Variants in MKNK2 observed in about 807,000 individuals in gnomAD.
The protein encoded by MKNK2 is MAPK interacting serine/threonine kinase 2.
MKNK2 carries 54 observed loss-of-function variants against 55.0 expected under a neutral mutation model. The observed-to-expected ratio is 0.98, with a 90% confidence interval of 0.79 to 1.23. MKNK2 has a LOEUF of 1.23. MKNK2 is among the 50% of genes most tolerant of loss of function. MKNK2 has a pLI of 0.00. For synonymous variants in MKNK2, 323 were observed against 256.0 expected, an observed-to-expected ratio of 1.26 and a Z score of -2.50; for missense variants, 685 against 632.1, an observed-to-expected ratio of 1.08 and a Z score of -0.90.
At position 2,037,588 on chromosome 19, in the gene MKNK2, A is replaced by C. The variant is rs1466540292; in HGVS notation, c.*2025T>G. On this transcript the variant is annotated 3_prime_UTR_variant, in exon 14 of 14. Coordinates refer to ENST00000250896, the MANE Select transcript of MKNK2 (RefSeq NM_199054.3). Reference sequence around the variant, plus strand: ...CAGTTCACCTGGTACATTGGAATTAAAGTGCTTGGATGTTTTTCCCCCACT... The same window carrying C: ...CAGTTCACCTGGTACATTGGAATTACAGTGCTTGGATGTTTTTCCCCCACT... 6 of 537,418 alleles carry C rather than the reference A, an allele frequency of 1.1e-5. No individual in the cohort carries two copies. The highest frequency in any genetic ancestry group is 1.8e-5 in the Non-Finnish European group (6 of 329,738). The allele number at this position is 537,418 out of a possible 1,614,324, so 33.3% of individuals were successfully genotyped here. A position where few individuals can be genotyped will look rare whatever the true frequency, so the allele number is the denominator to read the frequency against.
intron 6 of MKNK2, 132 bp from the exon 7 acceptor site, chr19:2,043,329 C>G: frequency 1.0e-6 from 1 of 1,002,258 alleles, no homozygotes; most frequent in Non-Finnish European, 1.6e-6. Context: ...GGGCAATAGG[C>G]CAGCTTCACA....
intron 12 of MKNK2, chr19:2,040,805 G>GA (rs1171455186): frequency 1.8e-6 from 1 of 563,154 alleles, no homozygotes; most frequent in Non-Finnish European, 3.2e-6. Context: ...CACCCTCCAG[G>GA]AAGGTTCTCT....
rs770008391 is a variant in MKNK2, at chr19:2,046,295, C to T, written c.242-12G>A. 1.7e-5 allele frequency: 27 copies of T among 1,603,132 alleles called. No individual in the cohort carries two copies. Among genetic ancestry groups the T allele is most frequent in the East Asian group, 4.5e-5 (2 of 44,890 alleles). On this transcript the variant is annotated splice_polypyrimidine_tract_variant and intron_variant, in intron 4 of 13. Transcript: ENST00000250896. The stretch of plus-strand genomic sequence containing the variant: ...CAGCTGGTAGACGTCTGCCGGGCAG[C>T]GGGGCGGGCGTGAGAGGGACCCTGG...
chr19:2,041,055 G>A lies in MKNK2; in HGVS notation c.1095C>T (p.His365=), dbSNP rs750295400. ...TGGTACTCACCCCCTGAACCCAGGG[G>A]TGCTGCAGGACTTGGGCGGCACTCA... ...QRLSAAQVLQ[H]PWVQGCAPEN... is the part of the protein sequence containing the mutation. The change falls in exon 12 of 14, where the codon CAC becomes CAT. Residue 365 remains histidine, a synonymous_variant. Coordinates refer to ENST00000250896, the MANE Select transcript of MKNK2 (RefSeq NM_199054.3). The A allele has an allele frequency of 1.9e-6, 3 of 1,613,952 alleles. No homozygotes were observed. The highest frequency in any genetic ancestry group is 2.2e-5 in the South Asian group (2 of 91,088).
rs764536768 is a variant in MKNK2 at position 2,040,173 on chromosome 19, G to A, written c.1115C>T (p.Ala372Val). 11 of 1,583,546 alleles carry A rather than the reference G, an allele frequency of 6.9e-6. No homozygotes were observed. The highest frequency in any genetic ancestry group is 9.4e-6 in the Non-Finnish European group (11 of 1,166,230). ...VLQHPWVQGC[A>V]PENTLPTPMV... ...GGGAGTGGGCAAGGTGTTCTCCGGG[G>A]CGCACTGCAACGAGAGTGGGCGGGG... The change falls in exon 13 of 14, where the codon GCC becomes GTC. Residue 372 changes from alanine to valine, a missense_variant. Physicochemically the swap from Ala to Val is moderately conservative, Grantham distance 64. Transcript: ENST00000250896.
At chr19:2,040,881 T>G in intron 12 of MKNK2, 159 bp downstream of exon 12, 1 of 735,828 alleles carries the variant, frequency 1.4e-6, no homozygotes, top group Non-Finnish European at 2.2e-6. Context: ...GCGGTGGGGA[T>G]TTCGGCTGCA....
intron 1 of MKNK2, 22 bp downstream of exon 1, chr19:2,051,074 C>T: frequency 3.2e-6 from 1 of 310,988 alleles, no homozygotes. Context: ...GTCCTCGGGG[C>T]CGCCCTGGGG....
At chr19:2,041,011 C>T (rs1568235523) in intron 12 of MKNK2, 29 bp downstream of exon 12, 6 of 1,612,424 alleles carry the variant, frequency 3.7e-6, no homozygotes, top group Admixed American at 1.7e-5. Context: ...CCCCATACCC[C>T]TCCTGCCGCC....
rs368619829 is a variant in MKNK2, at chr19:2,042,310, T to A, written c.750+117A>T. The A allele has an allele frequency of 7.5e-5, 72 of 955,408 alleles. No individual in the cohort carries two copies. In the Middle Eastern group the frequency reaches 9.8e-4, roughly 13 times the overall value. 59.2% of individuals were successfully genotyped at this position (955,408 alleles called of 1,614,324 possible). A position where few individuals can be genotyped will look rare whatever the true frequency, so the allele number is the denominator to read the frequency against. On this transcript the variant is annotated intron_variant, in intron 10 of 13. Coordinates refer to ENST00000250896, the MANE Select transcript of MKNK2 (RefSeq NM_199054.3). ...ACCCCGCCCAACCAATCAGCGGCTGTTGCTAGGCGGAAGCCCGAGCTCCGC... is the reference window on the plus strand; with the variant it reads ...ACCCCGCCCAACCAATCAGCGGCTGATGCTAGGCGGAAGCCCGAGCTCCGC...
rs2016791962 is a variant in MKNK2 at position 2,038,093 on chromosome 19, G to A, written c.*1520C>T. 2 of 1,138,542 alleles carry A rather than the reference G, an allele frequency of 1.8e-6. No individual in the cohort carries two copies. The highest frequency in any genetic ancestry group is 4.4e-5 in the East Asian group (1 of 22,892). The allele number at this position is 1,138,542 out of a possible 1,614,324, so 70.5% of individuals were successfully genotyped here. A position where few individuals can be genotyped will look rare whatever the true frequency, so the allele number is the denominator to read the frequency against. On this transcript the variant is annotated 3_prime_UTR_variant, in exon 14 of 14. Coordinates refer to ENST00000250896, the MANE Select transcript of MKNK2 (RefSeq NM_199054.3). Reference sequence around the variant, plus strand: ...ATATGGGCAGTGGGGACCAGGGAAGGCAGAGCACCCCCACGGCCACCGGAC... The same window carrying A: ...ATATGGGCAGTGGGGACCAGGGAAGACAGAGCACCCCCACGGCCACCGGAC...
chr19:2,039,922 GA>G, intron 13 of MKNK2, 66 bp from the exon 14 acceptor site: 1 of 1,531,604 alleles, frequency 6.5e-7, no homozygotes, highest in Non-Finnish European at 8.8e-7. Flanking sequence ...TGGGGTCTGT[GA>G]AGGCCCTGGG....
intron 13 of MKNK2, 134 bp downstream of exon 13, chr19:2,040,000 G>T: frequency 7.3e-7 from 1 of 1,377,792 alleles, no homozygotes; most frequent in South Asian, 1.2e-5. Flanking sequence ...GGGCCCCACC[G>T]GGAGCTTCAC....
chr19:2,040,297 C>G (rs907547678), intron 12 of MKNK2, 120 bp from the exon 13 acceptor site: 2 of 904,892 alleles, frequency 2.2e-6, no homozygotes, highest in Non-Finnish European at 3.2e-6. Flanking sequence ...CACCGGAGAC[C>G]AGGAGTGCAC....
chr19:2,049,383 G>C (rs888425502), intron 2 of MKNK2, among the ~76,000 whole-genome samples: 15 of 152,196 alleles, frequency 9.9e-5, no homozygotes, highest in Non-Finnish European at 4.4e-5. Flanking sequence ...TGTGGGGGGA[G>C]ATTCCTAGAG....
chr19:2,038,491 A>G lies in MKNK2; in HGVS notation c.*1122T>C. On this transcript the variant is annotated 3_prime_UTR_variant, in exon 14 of 14. Coordinates refer to ENST00000250896, the MANE Select transcript of MKNK2 (RefSeq NM_199054.3). ...TGGAGCATGGAGGGTGGGGGGACTG[A>G]GCAGACCCCCGCATTCCTGGGTGCC... The G allele has an allele frequency of 1.0e-6, 1 of 985,482 alleles. No individual in the cohort carries two copies. The highest frequency in any genetic ancestry group is 1.2e-6 in the Non-Finnish European group (1 of 829,940). The allele number at this position is 985,482 out of a possible 1,614,324, so 61.0% of individuals were successfully genotyped here. A position where few individuals can be genotyped will look rare whatever the true frequency, so the allele number is the denominator to read the frequency against.
chr19:2,042,317 G>A lies in MKNK2; in HGVS notation c.750+110C>T. 3 of 1,018,076 alleles carry A rather than the reference G, an allele frequency of 2.9e-6. No individual in the cohort carries two copies. In the South Asian group the frequency reaches 4.4e-5, roughly 15 times the overall value. 63.1% of individuals were successfully genotyped at this position (1,018,076 alleles called of 1,614,324 possible). A position where few individuals can be genotyped will look rare whatever the true frequency, so the allele number is the denominator to read the frequency against. ...CCAACCAATCAGCGGCTGTTGCTAG[G>A]CGGAAGCCCGAGCTCCGCGGCCTGG... On this transcript the variant is annotated intron_variant, in intron 10 of 13. Transcript: ENST00000250896.
rs2017007161 is a variant in MKNK2 at position 2,046,655 on chromosome 19, G to A, written c.88C>T (p.Gln30Ter). Residue 30 changes from glutamine to a stop codon, truncating the protein, a stop_gained, in exon 3 of 14, where the codon CAG becomes TAG. Transcript: ENST00000250896. LOFTEE classifies it high-confidence loss of function. ...NPFELAFSLD[Q>*]PDHGDSDFGL... ...AAGTCAGAGTCTCCGTGGTCGGGCT[G>A]GTCTAGGGAGAAGGCCAGCTCGAAG... 2 of 1,555,956 alleles carry A rather than the reference G, an allele frequency of 1.3e-6. No homozygotes were observed. The highest frequency in any genetic ancestry group is 1.7e-6 in the Non-Finnish European group (2 of 1,152,266).
rs768284420 is a variant in MKNK2, at chr19:2,050,804, G to C, written c.48C>G (p.Phe16Leu). 1.0e-4 allele frequency: 155 copies of C among 1,537,560 alleles called. No homozygotes were observed. In the East Asian group the frequency reaches 1.5e-3, roughly 15 times the overall value. ...CCAAACCGACCCCGGGCCTCACCTT[G>C]AACGAACGGTGGAAACCCTGAAGTT... The part of the protein sequence containing the change: ...PAELQGFHRS[F>L]KGQNPFELAF... The change falls in exon 2 of 14, where the codon TTC (phenylalanine) becomes TTG (leucine). Residue 16 changes from phenylalanine (F) to leucine (L), a missense_variant. Coordinates refer to ENST00000250896, the MANE Select transcript of MKNK2 (RefSeq NM_199054.3).
At position 2,037,887 on chromosome 19, in the gene MKNK2, G is replaced by C. The variant is rs556423027; in HGVS notation, c.*1726C>G. 115 of 1,507,960 alleles carry C rather than the reference G, an allele frequency of 7.6e-5. No individual in the cohort carries two copies. In the African/African-American group the frequency reaches 1.5e-3, roughly 20 times the overall value. The allele number at this position is 1,507,960 out of a possible 1,614,324, so 93.4% of individuals were successfully genotyped here. On this transcript the variant is annotated 3_prime_UTR_variant, in exon 14 of 14. Coordinates refer to ENST00000250896, the MANE Select transcript of MKNK2 (RefSeq NM_199054.3). ...ACGCTGCTAGCCACTCAGCTTTAGA[G>C]ACCCGATGGCTATGGGCGCCTGCAG...
Sources: gnomAD v4.1 joint callset for allele counts (sites outside exome capture counted in the v4.1 genomes callset) on GRCh38, gnomAD v4.1.1 for gene constraint, MANE v1.5 for transcripts, NCBI Gene and HGNC (gene_info 2026-07-23, HGNC 2026-07-21) for gene names.